RARS2: variants seen among roughly 807,000 people sequenced by gnomAD.
RARS2 encodes the protein arginyl-tRNA synthetase 2, mitochondrial.
A neutral mutation model predicts 88.5 loss-of-function variants in RARS2; 67 were observed. The ratio of observed to expected loss-of-function variants is 0.76; its 90% CI spans 0.62 to 0.93. The LOEUF (loss-of-function observed/expected upper bound fraction) is 0.93, where lower values mean the gene tolerates loss of function less well. Among genes scored for constraint, RARS2 ranks in the 40% least tolerant of loss-of-function variants. The pLI, the probability that RARS2 is intolerant of heterozygous loss-of-function variation, is 0.00. For missense variants in RARS2, 664 were observed against 684.2 expected (o/e 0.97, Z 0.33); for synonymous variants, 239 against 230.3 (o/e 1.04, Z -0.34).
chr6:87,538,749 A>G (rs925112854), intron 8 of RARS2, among the ~76,000 whole-genome samples: 4 of 152,110 alleles, frequency 2.6e-5, no homozygotes, highest in African/African-American at 9.7e-5. Context: ...AAATTAAAAA[A>G]TAGGTTGGGT....
At chr6:87,565,256 C>A (rs1767517213) in intron 2 of RARS2, among the ~76,000 whole-genome samples, 1 of 152,090 alleles carries the variant, frequency 6.6e-6, no homozygotes, top group Non-Finnish European at 1.5e-5. Flanking sequence ...CCACTGACCT[C>A]CAAATGACAT....
At chr6:87,581,621 C>T (rs922178590) in intron 1 of RARS2, among the ~76,000 whole-genome samples, 8 of 150,750 alleles carry the variant, frequency 5.3e-5, no homozygotes, top group African/African-American at 9.9e-5. Context: ...AATTAAGTTC[C>T]GGGGTACATG....
At chr6:87,534,937 G>C (rs1011490848) in intron 8 of RARS2, among the ~76,000 whole-genome samples, 2 of 152,110 alleles carry the variant, frequency 1.3e-5, no homozygotes, top group Non-Finnish European at 2.9e-5. Context: ...ACACAGGCTG[G>C]GATACTAAAC....
Position 87,569,582 on chromosome 6 carries a change from T to A in RARS2, c.45A>T (p.Arg15Ser), listed in dbSNP as rs576183608. ...FRRAIACQLS[R>S]VLNLPPENLI... ...AGTTTTCTGGTGGAAGATTCAACACTCTGGAAAGCTAAAAATCAAAAAGAA... is the reference window on the plus strand; with the variant it reads ...AGTTTTCTGGTGGAAGATTCAACACACTGGAAAGCTAAAAATCAAAAAGAA... Residue 15 changes from arginine to serine, a missense_variant, in exon 2 of 20, where the codon AGA (arginine) becomes AGT (serine). Arg to Ser is a moderately radical substitution (Grantham distance 110, BLOSUM62 -1). Transcript: ENST00000369536. 1.2e-6 allele frequency: 2 copies of A among 1,605,798 alleles called. No homozygotes were observed. The highest frequency in any genetic ancestry group is 1.3e-5 in the African/African-American group (1 of 74,806).
intron 2 of RARS2, chr6:87,564,703 A>T (rs1207025017): frequency 2.5e-5 from 6 of 242,514 alleles, no homozygotes; most frequent in South Asian, 4.4e-5. Context: ...AATAAATAAA[A>T]AACAAAATTA....
chr6:87,525,792 G>GC (rs1775490848), intron 10 of RARS2, among the ~76,000 whole-genome samples: 1 of 151,766 alleles, frequency 6.6e-6, no homozygotes, highest in Non-Finnish European at 1.5e-5. Flanking sequence ...TGTGATCCGC[G>GC]CCCCCGGCCT....
intron 1 of RARS2, among the ~76,000 whole-genome samples, chr6:87,587,929 C>T (rs1775646496): frequency 6.6e-6 from 1 of 152,100 alleles, no homozygotes; most frequent in Non-Finnish European, 1.5e-5. Flanking sequence ...TGCCACTACA[C>T]CTAAGTTTTG....
At chr6:87,586,553 C>A (rs181184786) in intron 1 of RARS2, among the ~76,000 whole-genome samples, 2 of 152,192 alleles carry the variant, frequency 1.3e-5, no homozygotes, top group African/African-American at 2.4e-5. Context: ...ATGCAATTAC[C>A]GGTTTACATC....
In RARS2 at chr6:87,569,574, T is replaced by C. The variant is rs746198253; in HGVS notation, c.53A>G (p.Asn18Ser). The C allele has an allele frequency of 4.4e-6, 7 of 1,607,310 alleles. No homozygotes were observed. Among genetic ancestry groups the C allele is most frequent in the Middle Eastern group, 1.7e-4 (1 of 6,038 alleles). Reference protein sequence around the residue: ...AIACQLSRVLNLPPENLITSI... With the variant: ...AIACQLSRVLSLPPENLITSI... ...TGTGATCAAGTTTTCTGGTGGAAGA[T>C]TCAACACTCTGGAAAGCTAAAAATC... The change falls in exon 2 of 20, where the codon AAT becomes AGT. Residue 18 changes from asparagine to serine, a missense_variant. Physicochemically the swap from Asn to Ser is conservative, Grantham distance 46. Coordinates refer to ENST00000369536, the MANE Select transcript of RARS2 (RefSeq NM_020320.5).
rs1775441374 is a variant in RARS2 at position 87,587,228 on chromosome 6, T to C, written c.36+2694A>G. On this transcript the variant is annotated intron_variant, in intron 1 of 19. Transcript: ENST00000369536. ...AATTCTCCAATGAACATTTCCAATT[T>C]CCAATTGAGCTCCAATGAACTCAAT... is the stretch of plus-strand genomic sequence containing the variant. Among the ~76,000 whole-genome samples, 4 of 152,158 alleles carry C rather than the reference T, an allele frequency of 2.6e-5. No individual in the cohort carries two copies. The South Asian group carries it at 8.3e-4, about 31-fold the overall frequency.
intron 1 of RARS2, among the ~76,000 whole-genome samples, chr6:87,574,831 A>C (rs1295638799): frequency 6.6e-6 from 1 of 152,210 alleles, no homozygotes; most frequent in Non-Finnish European, 1.5e-5. Flanking sequence ...TTTACCATAA[A>C]ACTAATAATT....
intron 5 of RARS2, among the ~76,000 whole-genome samples, chr6:87,554,515 A>C (rs56092913): frequency 2.0e-3 from 300 of 152,256 alleles, no homozygotes; most frequent in African/African-American, 7.0e-3. Context: ...GCTAGAGTGC[A>C]TGACAATCAC....
intron 8 of RARS2, among the ~76,000 whole-genome samples, chr6:87,539,796 T>C (rs1355667491): frequency 1.3e-5 from 2 of 152,194 alleles, no homozygotes; most frequent in African/African-American, 2.4e-5. Flanking sequence ...GATAATTAAA[T>C]TTATGTTCAA....
At chr6:87,549,552 T>TAA (rs34784229) in intron 5 of RARS2, among the ~76,000 whole-genome samples, 8,362 of 139,858 alleles carry the variant, frequency 0.06, 287 homozygotes, top group African/African-American at 0.098. Flanking sequence ...TCTGTAAAAT[T>TAA]AAAAAAAAAA....
chr6:87,567,146 G>A (rs1300468380), intron 2 of RARS2, among the ~76,000 whole-genome samples: 1 of 152,186 alleles, frequency 6.6e-6, no homozygotes, highest in Admixed American at 6.5e-5. Flanking sequence ...CAGCTACTGG[G>A]GAGGCTGAGG....
At chr6:87,544,483 G>A (rs1468464820) in intron 7 of RARS2, among the ~76,000 whole-genome samples, 3 of 152,356 alleles carry the variant, frequency 2.0e-5, no homozygotes, top group Non-Finnish European at 2.9e-5. Flanking sequence ...CCATACTTGA[G>A]TAGAGCTGGA....
Position 87,571,761 on chromosome 6 carries a change from T to G in RARS2, c.37-2171A>C, listed in dbSNP as rs142119117. ...TCCTGTTGTCAACAGAAGTTATTTG[T>G]TGAATTTCACAAACATATTAACCGT... On this transcript the variant is annotated intron_variant, in intron 1 of 19. Coordinates refer to ENST00000369536, the MANE Select transcript of RARS2 (RefSeq NM_020320.5). Among the ~76,000 whole-genome samples, 38 of 152,338 alleles carry G rather than the reference T, an allele frequency of 2.5e-4. No individual in the cohort carries two copies. The East Asian group carries it at 7.3e-3, about 29-fold the overall frequency.
rs905943232 is a variant in RARS2 at position 87,514,866 on chromosome 6, G to C, written c.1650+91C>G. 4.2e-5 allele frequency: 44 copies of C among 1,050,324 alleles called. No homozygotes were observed. In the Admixed American group the frequency reaches 5.3e-4, roughly 13 times the overall value. The allele number at this position is 1,050,324 out of a possible 1,614,324, so 65.1% of individuals were successfully genotyped here. On this transcript the variant is annotated intron_variant, in intron 19 of 19. Transcript: ENST00000369536. ...AGTATACTGCTACAGTTGAACAACA[G>C]AATGCTATTTTAGAAAAATTTACAA...
chr6:87,589,901 T>C (rs769957713), intron 1 of RARS2, 21 bp downstream of exon 1: 2 of 1,613,420 alleles, frequency 1.2e-6, no homozygotes, highest in African/African-American at 1.3e-5. Context: ...GGGACTCCTC[T>C]GCGCGCTCCG....
Sources: gnomAD v4.1 joint callset for allele counts (sites outside exome capture counted in the v4.1 genomes callset) on GRCh38, gnomAD v4.1.1 for gene constraint, MANE v1.5 for transcripts, NCBI Gene and HGNC (gene_info 2026-07-23, HGNC 2026-07-21) for gene names.